CUBN: variants seen among roughly 807,000 people sequenced by gnomAD.
CUBN encodes cubilin, also known as 460 kDa receptor.
CUBN carries 282 observed loss-of-function variants against 405.3 expected under a neutral mutation model. That is an observed-to-expected ratio of 0.70 (90% CI 0.63 to 0.77). The LOEUF is 0.77. Ranked by LOEUF, CUBN falls within the 30% of genes least tolerant of loss-of-function variation. The probability of loss-of-function intolerance (pLI) is 0.00; values close to 1 mark genes in which losing one functional copy is unlikely to be tolerated. For missense variants in CUBN, 4,514 were observed against 4,475.2 expected (o/e 1.01, Z -0.25); for synonymous variants, 1,684 against 1,617.0 (o/e 1.04, Z -0.99).
intron 13 of CUBN, among the ~76,000 whole-genome samples, chr10:17,100,734 C>T (rs910348262): frequency 2.0e-5 from 3 of 152,160 alleles, no homozygotes; most frequent in Admixed American, 6.5e-5. Context: ...AAGATTCTGA[C>T]GCCAGCCCAG....
chr10:16,836,207 G>A (rs755891749), intron 63 of CUBN, 28 bp downstream of exon 63: 8 of 1,597,130 alleles, frequency 5.0e-6, no homozygotes, highest in South Asian at 1.1e-5. Flanking sequence ...CAGCTTTTTT[G>A]AATAAAAGAT....
intron 6 of CUBN, chr10:17,122,262 A>G: frequency 4.7e-6 from 1 of 213,048 alleles, no homozygotes; most frequent in Non-Finnish European, 9.5e-6. Flanking sequence ...TGTACTGATA[A>G]TGATGACTGT....
intron 24 of CUBN, among the ~76,000 whole-genome samples, chr10:17,045,418 G>A (rs1269157550): frequency 4.0e-5 from 6 of 148,496 alleles, no homozygotes; most frequent in South Asian, 2.1e-4. Flanking sequence ...GGAATGCAAC[G>A]GCATGATCTT....
In CUBN at chr10:16,900,704, A is replaced by T; in HGVS notation, c.8331T>A (p.Asn2777Lys). The T allele has an allele frequency of 6.2e-7, 1 of 1,614,204 alleles. No homozygotes were observed. ...SNPRTIQSGS[N>K]QLVVTFNSDH... ...CTGAGTTAAAAGTCACGACCAGCTG[A>T]TTGGAACCTGACTGTATTGTCCTGG... is the stretch of plus-strand genomic sequence containing the variant. Residue 2777 changes from asparagine (N) to lysine (K), a missense_variant, in exon 53 of 67, where the codon AAT (asparagine) becomes AAA (lysine). By Grantham distance (94) the Asn-to-Lys change is moderately conservative. This residue lies in a region of CUBN where 1,186 missense variants were observed against 1,186.9 expected (regional missense o/e 1.00). Transcript: ENST00000377833.
chr10:16,875,281 A>G (rs1302523137), intron 57 of CUBN, among the ~76,000 whole-genome samples: 2 of 152,054 alleles, frequency 1.3e-5, no homozygotes, highest in Non-Finnish European at 2.9e-5. Context: ...TAAAGTGATT[A>G]TTTTTGCTTG....
At chr10:16,969,448 G>A (rs1843492873) in intron 31 of CUBN, among the ~76,000 whole-genome samples, 1 of 152,092 alleles carries the variant, frequency 6.6e-6, no homozygotes, top group African/African-American at 2.4e-5. Context: ...TCCGCCTCCG[G>A]GGTTCAAGTG....
chr10:16,961,502 T>C (rs1352810423), intron 31 of CUBN, among the ~76,000 whole-genome samples: 1 of 152,172 alleles, frequency 6.6e-6, no homozygotes, highest in East Asian at 1.9e-4. Context: ...GAGACCAACA[T>C]CCCTTCCTGG....
At chr10:16,993,916 C>T (rs1833661036) in intron 28 of CUBN, among the ~76,000 whole-genome samples, 1 of 152,060 alleles carries the variant, frequency 6.6e-6, no homozygotes, top group Admixed American at 6.6e-5. Flanking sequence ...TCTTTTTCTC[C>T]TTCATGCTCT....
Position 17,097,642 on chromosome 10 carries a change from T to C in CUBN, c.1765+2363A>G, listed in dbSNP as rs113377893. Among the ~76,000 whole-genome samples the C allele has an allele frequency of 2.1e-3, 317 of 152,218 alleles. 1 individual carries two copies. Among genetic ancestry groups the C allele is most frequent in the African/African-American group, 7.2e-3 (301 of 41,538 alleles). On this transcript the variant is annotated intron_variant, in intron 14 of 66. Transcript: ENST00000377833. ...AAAATACATATTAGCAAATAAAATC[T>C]AGCAATGTATAAAAAGCATAACTTG...
chr10:16,892,018 C>T (rs1175914812), intron 54 of CUBN, among the ~76,000 whole-genome samples: 1 of 152,116 alleles, frequency 6.6e-6, no homozygotes, highest in Non-Finnish European at 1.5e-5. Flanking sequence ...ATTACTCATT[C>T]CAAACACATC....
intron 31 of CUBN, among the ~76,000 whole-genome samples, chr10:16,978,422 T>C (rs1242972843): frequency 1.3e-5 from 2 of 152,244 alleles, no homozygotes; most frequent in African/African-American, 4.8e-5. Flanking sequence ...GGAGAGTAGC[T>C]GGATGTTCTA....
Position 16,928,316 on chromosome 10 carries a change from A to G in CUBN, c.6125-13T>C, listed in dbSNP as rs1842256040. 1 of 1,613,440 alleles carries G rather than the reference A, an allele frequency of 6.2e-7. No individual in the cohort carries two copies. Among genetic ancestry groups the G allele is most frequent in the African/African-American group, 1.3e-5 (1 of 74,978 alleles). On this transcript the variant is annotated splice_polypyrimidine_tract_variant and intron_variant, in intron 40 of 66. Coordinates refer to ENST00000377833, the MANE Select transcript of CUBN (RefSeq NM_001081.4). Reference sequence around the variant, plus strand: ...AAGTTATTATCTCCTACGTTGAAAGAAAGGGAACAACATGAAAATACATCT... The same window carrying G: ...AAGTTATTATCTCCTACGTTGAAAGGAAGGGAACAACATGAAAATACATCT...
chr10:17,087,472 CTTTTTT>C (rs775573918), intron 15 of CUBN, among the ~76,000 whole-genome samples: 3,477 of 71,770 alleles, frequency 0.048, 107 homozygotes, highest in East Asian at 0.13. Flanking sequence ...TTTTCTTTTT[CTTTTTT>C]TTTTTTTTTT....
intron 27 of CUBN, among the ~76,000 whole-genome samples, chr10:17,023,069 G>A (rs762168605): frequency 6.6e-6 from 1 of 152,120 alleles, no homozygotes; most frequent in African/African-American, 2.4e-5. Flanking sequence ...ATTAAGAAAT[G>A]TGGCATTTTC....
chr10:16,867,682 C>A (rs1489123219), intron 59 of CUBN, among the ~76,000 whole-genome samples: 2 of 152,216 alleles, frequency 1.3e-5, no homozygotes, highest in Non-Finnish European at 2.9e-5. Context: ...TCCACTTAAA[C>A]CTTTTCCCTA....
chr10:16,874,420 A>G lies in CUBN; in HGVS notation c.9190T>C (p.Cys3064Arg). Residue 3064 changes from cysteine (C) to arginine (R), a missense_variant, in exon 58 of 67, where the codon TGT becomes CGT. This residue lies in a region of CUBN where 1,186 missense variants were observed against 1,186.9 expected (regional missense o/e 1.00). Coordinates refer to ENST00000377833, the MANE Select transcript of CUBN (RefSeq NM_001081.4). Reference sequence around the variant, plus strand: ...TCACTAACGGTGATGGTATACAGACAGTGCATATCATTTGGGTAGTCTGCG... The same window carrying G: ...TCACTAACGGTGATGGTATACAGACGGTGCATATCATTTGGGTAGTCTGCG... The part of the protein sequence containing the change: ...SYADYPNDMH[C>R]LYTITVSDDK... 1 of 1,614,072 alleles carries G rather than the reference A, an allele frequency of 6.2e-7. No individual in the cohort carries two copies. The highest frequency in any genetic ancestry group is 8.5e-7 in the Non-Finnish European group (1 of 1,179,880).
chr10:16,864,448 C>A (rs377482378), intron 59 of CUBN, among the ~76,000 whole-genome samples: 40 of 152,062 alleles, frequency 2.6e-4, no homozygotes, highest in African/African-American at 9.6e-4. Flanking sequence ...TAGAGTCTTT[C>A]ACTCTGACAG....
At chr10:16,972,729 C>T (rs55634106) in intron 31 of CUBN, among the ~76,000 whole-genome samples, 43,292 of 151,784 alleles carry the variant, frequency 0.29, 6,362 homozygotes, top group African/African-American at 0.34. Context: ...CCCGGCCATT[C>T]ATTCATTCTT....
chr10:16,902,145 GTA>G (rs1301946549), intron 51 of CUBN, among the ~76,000 whole-genome samples: 154 of 126,890 alleles, frequency 1.2e-3, no homozygotes, highest in African/African-American at 4.1e-3. Flanking sequence ...ACTATATATA[GTA>G]TATATATATT....
Sources: gnomAD v4.1 joint callset for allele counts (sites outside exome capture counted in the v4.1 genomes callset) on GRCh38, gnomAD v4.1.1 for gene constraint, gnomAD v4.1.1 regional missense constraint, MANE v1.5 for transcripts, NCBI Gene and HGNC (gene_info 2026-07-23, HGNC 2026-07-21) for gene names.